The following PLD3 variants were observed in gnomAD, a reference collection of about 807,000 sequenced individuals.
The protein encoded by PLD3 is phospholipase D family member 3.
A neutral mutation model predicts 58.4 loss-of-function variants in PLD3; 31 were observed. The ratio of observed to expected loss-of-function variants is 0.53; its 90% CI spans 0.40 to 0.72. PLD3 has a LOEUF of 0.72. Ranked by LOEUF, PLD3 falls within the 30% of genes least tolerant of loss-of-function variation. PLD3 has a pLI of 0.00. For synonymous variants in PLD3, 264 were observed against 273.4 expected (o/e 0.97, Z 0.34); for missense variants, 595 against 659.8 (o/e 0.90, Z 1.08).
At position 40,367,904 on chromosome 19, in the gene PLD3, G is replaced by A. The variant is rs911168867; in HGVS notation, c.429+25G>A. On this transcript the variant is annotated intron_variant, in intron 6 of 12. Transcript: ENST00000409735. Reference sequence around the variant, plus strand: ...GGTACCTGCAACCTTGGCCCTGGCCGGCAGCAGGGGCAGGGGGTGGGAGGC... The same window carrying A: ...GGTACCTGCAACCTTGGCCCTGGCCAGCAGCAGGGGCAGGGGGTGGGAGGC... 25 of 1,516,166 alleles carry A rather than the reference G, an allele frequency of 1.6e-5. No individual in the cohort carries two copies. The African/African-American group carries it at 2.8e-4, about 17-fold the overall frequency. 93.9% of individuals were successfully genotyped at this position (1,516,166 alleles called of 1,614,324 possible).
chr19:40,370,491 A>T, intron 8 of PLD3: 1 of 330,614 alleles, frequency 3.0e-6, no homozygotes, highest in Non-Finnish European at 5.6e-6. Context: ...TGGGCAACAT[A>T]GTGAGACCCC....
In PLD3 at chr19:40,376,304, G is replaced by A. The variant is rs181339378; in HGVS notation, c.1020-305G>A. 345 of 298,784 alleles carry A rather than the reference G, an allele frequency of 1.2e-3. 1 individual carries two copies. Among genetic ancestry groups the A allele is most frequent in the African/African-American group, 6.7e-3 (308 of 46,246 alleles). 18.5% of individuals were successfully genotyped at this position (298,784 alleles called of 1,614,324 possible). Reference sequence around the variant, plus strand: ...CAGGAGGCAGAGGTTGCAGTGAGCCGAGATTGTGCCATTGCACTCCAGCGT... The same window carrying A: ...CAGGAGGCAGAGGTTGCAGTGAGCCAAGATTGTGCCATTGCACTCCAGCGT... On this transcript the variant is annotated intron_variant, in intron 10 of 12. Coordinates refer to ENST00000409735, the MANE Select transcript of PLD3 (RefSeq NM_012268.4).
Position 40,366,357 on chromosome 19 carries a change from T to G in PLD3, c.-65-62T>G, listed in dbSNP as rs998363688. The G allele has an allele frequency of 7.3e-6, 6 of 825,116 alleles. No individual in the cohort carries two copies. The African/African-American group carries it at 8.3e-5, about 11-fold the overall frequency. The allele number at this position is 825,116 out of a possible 1,614,324, so 51.1% of individuals were successfully genotyped here. A position where few individuals can be genotyped will look rare whatever the true frequency, so the allele number is the denominator to read the frequency against. Reference sequence around the variant, plus strand: ...ATAGCCCCAAGACTAATCACTCTTCTGTGATGTCTGTCCCTGGAAAGCGTA... The same window carrying G: ...ATAGCCCCAAGACTAATCACTCTTCGGTGATGTCTGTCCCTGGAAAGCGTA... On this transcript the variant is annotated intron_variant, in intron 2 of 12. Coordinates refer to ENST00000409735, the MANE Select transcript of PLD3 (RefSeq NM_012268.4).
chr19:40,373,555 T>G (rs1600332398), intron 9 of PLD3, among the ~76,000 whole-genome samples: 3 of 120,518 alleles, frequency 2.5e-5, no homozygotes, highest in Admixed American at 1.1e-4. Flanking sequence ...CCAGGCTGGG[T>G]GACAGAGTGA....
At chr19:40,356,336 C>T (rs1439881155) in intron 1 of PLD3, 6 of 152,618 alleles carry the variant, frequency 3.9e-5, no homozygotes, top group Admixed American at 2.0e-4. Flanking sequence ...AGTTTTTGAG[C>T]AGGAGAGGGA....
In PLD3 at chr19:40,378,413, C is replaced by G. The variant is rs918848225; in HGVS notation, c.*240C>G. 19 of 610,416 alleles carry G rather than the reference C, an allele frequency of 3.1e-5. No homozygotes were observed. Among genetic ancestry groups the G allele is most frequent in the Admixed American group, 5.6e-5 (2 of 35,686 alleles). 37.8% of individuals were successfully genotyped at this position (610,416 alleles called of 1,614,324 possible). On this transcript the variant is annotated 3_prime_UTR_variant, in exon 13 of 13. Coordinates refer to ENST00000409735, the MANE Select transcript of PLD3 (RefSeq NM_012268.4). ...AAATGGGGGTGCATGCTGGGCCTGG[C>G]CCCCTGGCCCACCCCCACTTTCCAG... is the stretch of plus-strand genomic sequence containing the variant.
At chr19:40,368,846 G>A (rs1007039195) in intron 6 of PLD3, among the ~76,000 whole-genome samples, 1 of 152,098 alleles carries the variant, frequency 6.6e-6, no homozygotes, top group Admixed American at 6.6e-5. Flanking sequence ...GATGGCTTGA[G>A]CCCAGGAGTT....
At chr19:40,368,055 G>A (rs980403377) in intron 6 of PLD3, among the ~76,000 whole-genome samples, 176 bp downstream of exon 6, 1 of 152,134 alleles carries the variant, frequency 6.6e-6, no homozygotes, top group African/African-American at 2.4e-5. Context: ...CTGGACTGGG[G>A]GCGTTTGTCA....
chr19:40,377,623 G>A (rs961641905), intron 11 of PLD3, among the ~76,000 whole-genome samples, 163 bp from the exon 12 acceptor site: 15 of 151,996 alleles, frequency 9.9e-5, no homozygotes, highest in African/African-American at 2.7e-4. Context: ...TTCAGCTTTC[G>A]TTCTCAGAGG....
intron 1 of PLD3, chr19:40,359,539 A>G: frequency 6.6e-6 from 1 of 152,324 alleles, no homozygotes; most frequent in Non-Finnish European, 1.5e-5. Context: ...TGCTCCCACA[A>G]GGATCTGAGC....
chr19:40,377,399 GA>G, intron 11 of PLD3, among the ~76,000 whole-genome samples: 3 of 137,078 alleles, frequency 2.2e-5, no homozygotes, highest in Non-Finnish European at 4.8e-5. Context: ...TGGGATGGAG[GA>G]GGCCCAGGCA....
At chr19:40,364,226 C>T (rs904988673) in intron 1 of PLD3, among the ~76,000 whole-genome samples, 6 of 151,726 alleles carry the variant, frequency 4.0e-5, no homozygotes, top group Admixed American at 6.6e-5. Context: ...TGGTGGCAGG[C>T]GCCTGTAATC....
In PLD3 at chr19:40,378,222, AG is replaced by A; in HGVS notation, c.*51del. 8 of 1,560,338 alleles carry A rather than the reference AG, an allele frequency of 5.1e-6. No individual in the cohort carries two copies. The highest frequency in any genetic ancestry group is 7.0e-6 in the Non-Finnish European group (8 of 1,143,074). On this transcript the variant is annotated 3_prime_UTR_variant, in exon 13 of 13. Coordinates refer to ENST00000409735, the MANE Select transcript of PLD3 (RefSeq NM_012268.4). ...AGGCCTGCTGGGCCCCCGCGGACCCAGGTGCTCTGGGTCACGGTCCCTGTCC... is the reference window on the plus strand; with the variant it reads ...AGGCCTGCTGGGCCCCCGCGGACCCAGTGCTCTGGGTCACGGTCCCTGTCC...
At chr19:40,372,847 G>C (rs904014593) in intron 9 of PLD3, among the ~76,000 whole-genome samples, 5 of 152,076 alleles carry the variant, frequency 3.3e-5, no homozygotes, top group African/African-American at 1.2e-4. Context: ...ACTCCAGCCT[G>C]GGCAAGAGGC....
At chr19:40,371,367 T>G in intron 8 of PLD3, 1 of 351,078 alleles carries the variant, frequency 2.8e-6, no homozygotes, top group Non-Finnish European at 5.3e-6. Context: ...TGGTGCAGGC[T>G]GGGTAGTCAT....
At chr19:40,373,928 G>T (rs1283990880) in intron 9 of PLD3, among the ~76,000 whole-genome samples, 1 of 149,574 alleles carries the variant, frequency 6.7e-6, no homozygotes, top group African/African-American at 2.5e-5. Flanking sequence ...GGCAGCAGAG[G>T]TTGCAATGAG....
intron 1 of PLD3, among the ~76,000 whole-genome samples, chr19:40,351,711 G>A (rs1371680637): frequency 1.3e-5 from 2 of 152,164 alleles, no homozygotes; most frequent in South Asian, 2.1e-4. Context: ...GACATTGGAG[G>A]GGTGATGGGG....
chr19:40,350,280 A>AC (rs1357339076), intron 1 of PLD3, among the ~76,000 whole-genome samples: 20 of 151,854 alleles, frequency 1.3e-4, no homozygotes, highest in Non-Finnish European at 2.8e-4. Flanking sequence ...AAAAAAAAAA[A>AC]AAACTGCATG....
At position 40,367,235 on chromosome 19, in the gene PLD3, C is replaced by T. The variant is rs1476376019; in HGVS notation, c.245+320C>T. The T allele has an allele frequency of 1.2e-5, 4 of 328,512 alleles. No individual in the cohort carries two copies. In the Admixed American group the frequency reaches 1.3e-4, roughly 11 times the overall value. The allele number at this position is 328,512 out of a possible 1,614,324, so 20.3% of individuals were successfully genotyped here. A position where few individuals can be genotyped will look rare whatever the true frequency, so the allele number is the denominator to read the frequency against. ...GCAGAGGATCATGAGTCCAGGCACGCATTCAAATACACACAGTTTTAAAAA... is the reference window on the plus strand; with the variant it reads ...GCAGAGGATCATGAGTCCAGGCACGTATTCAAATACACACAGTTTTAAAAA... On this transcript the variant is annotated intron_variant, in intron 5 of 12. Coordinates refer to ENST00000409735, the MANE Select transcript of PLD3 (RefSeq NM_012268.4).
Sources: allele counts gnomAD v4.1 joint callset (sites outside exome capture counted in the v4.1 genomes callset), GRCh38; gene constraint gnomAD v4.1.1; transcripts MANE v1.5; gene names NCBI Gene and HGNC (gene_info 2026-07-23, HGNC 2026-07-21).